Variants in AGBL1 observed in about 807,000 individuals in gnomAD.
AGBL1 encodes cytosolic carboxypeptidase 4.
Under a neutral mutation model 118.9 loss-of-function variants are expected in AGBL1, and 130 were observed. The observed-to-expected ratio is 1.09, with a 90% confidence interval of 0.95 to 1.26. The LOEUF (loss-of-function observed/expected upper bound fraction) is 1.26. AGBL1 is among the 50% of genes most tolerant of loss of function. AGBL1 has a pLI of 0.00. For synonymous variants in AGBL1, 555 were observed against 478.9 expected (o/e 1.16, Z -2.08); for missense variants, 1,584 against 1,298.1 (o/e 1.22, Z -3.38).
intron 22 of AGBL1, among the ~76,000 whole-genome samples, chr15:86,865,761 C>G (rs146376861): frequency 1.3e-5 from 2 of 152,184 alleles, no homozygotes; most frequent in Non-Finnish European, 2.9e-5. Flanking sequence ...TTCCCAGTCC[C>G]TCATCTGAAG....
At chr15:86,465,965 T>C (rs1027078755) in intron 18 of AGBL1, among the ~76,000 whole-genome samples, 7 of 152,214 alleles carry the variant, frequency 4.6e-5, no homozygotes, top group African/African-American at 1.7e-4. Flanking sequence ...TAATAAAACC[T>C]TGCTGGTTTT....
intron 6 of AGBL1, among the ~76,000 whole-genome samples, chr15:86,234,419 C>T (rs1017996795): frequency 5.3e-5 from 8 of 152,004 alleles, no homozygotes; most frequent in Admixed American, 4.6e-4. Context: ...TGCGTGATGG[C>T]ATGCACTTGT....
chr15:86,324,858 T>A (rs1440807753), intron 17 of AGBL1, among the ~76,000 whole-genome samples: 2 of 151,962 alleles, frequency 1.3e-5, no homozygotes, highest in Non-Finnish European at 2.9e-5. Context: ...GGGAAGAGGG[T>A]TAGAGGAAGT....
intron 5 of AGBL1, among the ~76,000 whole-genome samples, chr15:86,173,763 A>G (rs182490924): frequency 2.6e-4 from 40 of 151,992 alleles, no homozygotes; most frequent in African/African-American, 9.2e-4. Context: ...AAATAGGTGA[A>G]TATCTTTCTG....
chr15:86,422,155 C>T (rs962313635), intron 18 of AGBL1, among the ~76,000 whole-genome samples: 1 of 152,166 alleles, frequency 6.6e-6, no homozygotes, highest in Non-Finnish European at 1.5e-5. Context: ...TTCTTCTCAG[C>T]ACTGCATAGC....
At chr15:86,636,942 A>C (rs899934323) in intron 21 of AGBL1, among the ~76,000 whole-genome samples, 1 of 151,472 alleles carries the variant, frequency 6.6e-6, no homozygotes, top group African/African-American at 2.4e-5. Context: ...GAGATTTATA[A>C]GAACAGATCT....
chr15:86,992,351 C>A (rs2081343087), intron 24 of AGBL1, among the ~76,000 whole-genome samples: 2 of 152,142 alleles, frequency 1.3e-5, no homozygotes. Flanking sequence ...TGGAGGGAAA[C>A]ATCGGAACTA....
chr15:86,511,685 A>G (rs1439361833), intron 18 of AGBL1, among the ~76,000 whole-genome samples: 1 of 151,996 alleles, frequency 6.6e-6, no homozygotes, highest in Non-Finnish European at 1.5e-5. Context: ...AATAAAAGGC[A>G]TGGTACAAAA....
Position 86,270,084 on chromosome 15 carries a change from A to G in AGBL1, c.1987+17A>G. ...TTAATTATGGTATGAACGCTTGGGG[A>G]GCAGGGGCTTTCTGGAACATGCCAG... On this transcript the variant is annotated intron_variant, in intron 14 of 22. Transcript: ENST00000614907. The G allele has an allele frequency of 6.2e-7, 1 of 1,602,592 alleles. No homozygotes were observed. The highest frequency in any genetic ancestry group is 1.1e-5 in the South Asian group (1 of 88,746).
At chr15:86,662,776 G>C (rs1323906350) in intron 21 of AGBL1, among the ~76,000 whole-genome samples, 1 of 152,104 alleles carries the variant, frequency 6.6e-6, no homozygotes, top group Non-Finnish European at 1.5e-5. Context: ...ACCATAATTT[G>C]TATACCCCTG....
chr15:86,380,544 C>CT (rs71468177), intron 17 of AGBL1, among the ~76,000 whole-genome samples: 57,984 of 146,354 alleles, frequency 0.4, 13,006 homozygotes, highest in East Asian at 0.66. Context: ...TCCTCGCTTC[C>CT]TTCCTTCTTC....
intron 22 of AGBL1, among the ~76,000 whole-genome samples, chr15:86,902,811 G>A (rs575499042): frequency 2.2e-4 from 34 of 152,194 alleles, no homozygotes; most frequent in African/African-American, 7.7e-4. Flanking sequence ...TTCCCCTAAA[G>A]TTTCTCCCAC....
intron 23 of AGBL1, among the ~76,000 whole-genome samples, chr15:86,959,161 T>G (rs957652177): frequency 1.3e-5 from 2 of 152,128 alleles, no homozygotes; most frequent in African/African-American, 4.8e-5. Flanking sequence ...GTAGCAATAG[T>G]TTAGTATTTA....
intron 22 of AGBL1, among the ~76,000 whole-genome samples, chr15:86,758,498 A>G (rs901251829): frequency 5.3e-5 from 8 of 152,096 alleles, no homozygotes; most frequent in Admixed American, 2.6e-4. Flanking sequence ...GATAAACCTC[A>G]TAATAATAGA....
At chr15:86,928,135 T>G (rs1399533751) in intron 23 of AGBL1, among the ~76,000 whole-genome samples, 1 of 152,202 alleles carries the variant, frequency 6.6e-6, no homozygotes, top group Non-Finnish European at 1.5e-5. Context: ...AGATAATGAC[T>G]TAATTAGCTC....
At chr15:86,920,809 T>C (rs2080475116), downstream of AGBL1, among the ~76,000 whole-genome samples, 1 of 152,216 alleles carries the variant, frequency 6.6e-6, no homozygotes, top group Admixed American at 6.5e-5. Flanking sequence ...TTATGCCAGA[T>C]TTCTTGGCTC....
At chr15:86,647,178 A>T (rs1316647827) in intron 21 of AGBL1, among the ~76,000 whole-genome samples, 1 of 152,180 alleles carries the variant, frequency 6.6e-6, no homozygotes, top group Non-Finnish European at 1.5e-5. Flanking sequence ...AAAAATCTTA[A>T]TTTTAATATC....
chr15:86,333,269 C>G (rs2080304838), intron 17 of AGBL1, among the ~76,000 whole-genome samples: 1 of 151,992 alleles, frequency 6.6e-6, no homozygotes, highest in South Asian at 2.1e-4. Flanking sequence ...AAAGCATAAG[C>G]AAGATTGATA....
chr15:86,956,217 TTAGATAGATAGATAGATAGATAGA>T (rs57241299), intron 23 of AGBL1, among the ~76,000 whole-genome samples: 2 of 147,594 alleles, frequency 1.4e-5, no homozygotes, highest in Non-Finnish European at 3.0e-5. Context: ...AGATGATTGA[TTAGATAGATAGATAGATAGATAGA>T]TAGATAGATA....
Sources: allele counts gnomAD v4.1 joint callset (sites outside exome capture counted in the v4.1 genomes callset), GRCh38; gene constraint gnomAD v4.1.1; transcripts MANE v1.5; gene names NCBI Gene and HGNC (gene_info 2026-07-23, HGNC 2026-07-21).